The following ST6GALNAC3 variants were observed in gnomAD, a reference collection of about 807,000 sequenced individuals.
The protein encoded by ST6GALNAC3 is ST6 N-acetylgalactosaminide alpha-2,6-sialyltransferase 3.
A neutral mutation model predicts 32.7 loss-of-function variants in ST6GALNAC3; 25 were observed. That is an observed-to-expected ratio of 0.76 (90% confidence interval 0.56 to 1.07). The LOEUF (loss-of-function observed/expected upper bound fraction) is 1.07, where lower values mean the gene tolerates loss of function less well. ST6GALNAC3 is among the 50% of genes least tolerant of loss of function. The probability of loss-of-function intolerance (pLI) is 0.00; values close to 1 mark genes in which losing one functional copy is unlikely to be tolerated. For synonymous variants in ST6GALNAC3, 129 were observed against 133.1 expected (o/e 0.97, Z 0.21); for missense variants, 355 against 382.4 (o/e 0.93, Z 0.60).
chr1:76,245,505 C>A (rs1657207286), intron 1 of ST6GALNAC3, among the ~76,000 whole-genome samples: 1 of 152,022 alleles, frequency 6.6e-6, no homozygotes. Context: ...TTCTCTAGTT[C>A]TTTTAATTTT....
chr1:76,189,302 A>G (rs902846932), intron 1 of ST6GALNAC3, among the ~76,000 whole-genome samples: 1 of 152,202 alleles, frequency 6.6e-6, no homozygotes. Context: ...CCCTTTGCCT[A>G]TGGTTACCAC....
intron 1 of ST6GALNAC3, among the ~76,000 whole-genome samples, chr1:76,257,230 T>C (rs1657972125): frequency 6.6e-6 from 1 of 152,192 alleles, no homozygotes; most frequent in South Asian, 2.1e-4. Flanking sequence ...GATGGTTTTA[T>C]TATCACCAAT....
intron 2 of ST6GALNAC3, among the ~76,000 whole-genome samples, chr1:76,400,072 G>A (rs1268552434): frequency 6.6e-6 from 1 of 152,052 alleles, no homozygotes; most frequent in African/African-American, 2.4e-5. Flanking sequence ...AGCGGGGATA[G>A]TGGAAATTAT....
chr1:76,091,478 C>T (rs981119807), intron 1 of ST6GALNAC3, among the ~76,000 whole-genome samples: 1 of 152,212 alleles, frequency 6.6e-6, no homozygotes, highest in African/African-American at 2.4e-5. Flanking sequence ...GAATGTGGCT[C>T]CATATTTTTG....
chr1:76,533,524 C>G lies in ST6GALNAC3; in HGVS notation c.624-93928C>G, dbSNP rs1663398592. ...CAGTCCATGTTCCCTATTACTTCCA[C>G]TCTGAGGCTTCTGCCTGTCTTCTGA... is the stretch of plus-strand genomic sequence containing the variant. On this transcript the variant is annotated intron_variant, in intron 3 of 4. Transcript: ENST00000328299. Among the ~76,000 whole-genome samples the G allele has an allele frequency of 2.0e-5, 3 of 152,290 alleles. No homozygotes were observed. The South Asian group carries it at 6.2e-4, about 32-fold the overall frequency.
intron 3 of ST6GALNAC3, among the ~76,000 whole-genome samples, chr1:76,596,555 A>G (rs766797832): frequency 4.6e-5 from 7 of 152,206 alleles, no homozygotes; most frequent in Non-Finnish European, 8.8e-5. Context: ...ATTTTCTTGT[A>G]TTCTGATCTT....
At chr1:76,507,016 C>A (rs1180975428) in intron 3 of ST6GALNAC3, among the ~76,000 whole-genome samples, 1 of 152,140 alleles carries the variant, frequency 6.6e-6, no homozygotes, top group Admixed American at 6.5e-5. Context: ...CAAGCAGGAT[C>A]AAACACATGC....
chr1:76,432,736 C>T (rs553176860), intron 3 of ST6GALNAC3, among the ~76,000 whole-genome samples: 7 of 152,128 alleles, frequency 4.6e-5, no homozygotes, highest in African/African-American at 1.2e-4. Context: ...GGATTACAGG[C>T]GTAAGCCACC....
At chr1:76,580,477 CA>C (rs1646876223) in intron 3 of ST6GALNAC3, among the ~76,000 whole-genome samples, 1 of 152,118 alleles carries the variant, frequency 6.6e-6, no homozygotes. Context: ...TTGAGAAACA[CA>C]AAAGTGCCAG....
chr1:76,244,893 C>G lies in ST6GALNAC3; in HGVS notation c.19-68912C>G, dbSNP rs558971551. On this transcript the variant is annotated intron_variant, in intron 1 of 4. Coordinates refer to ENST00000328299, the MANE Select transcript of ST6GALNAC3 (RefSeq NM_152996.4). The stretch of plus-strand genomic sequence containing the variant: ...CATCGATGTTATTCAGGCATATTGG[C>G]CTGAAATTTTCTTTTTTTGTTGTGT... 2.7e-4 allele frequency among the ~76,000 whole-genome samples: 41 copies of G among 152,130 alleles called. 1 individual carries two copies. Among genetic ancestry groups the G allele is most frequent in the African/African-American group, 9.6e-4 (40 of 41,536 alleles).
chr1:76,150,087 G>A (rs1217408764), intron 1 of ST6GALNAC3, among the ~76,000 whole-genome samples: 5 of 152,122 alleles, frequency 3.3e-5, no homozygotes, highest in African/African-American at 9.7e-5. Flanking sequence ...TCTGGGCTGC[G>A]TTTCCTTCTC....
At chr1:76,487,790 G>A (rs1356381487) in intron 3 of ST6GALNAC3, among the ~76,000 whole-genome samples, 1 of 152,138 alleles carries the variant, frequency 6.6e-6, no homozygotes, top group Non-Finnish European at 1.5e-5. Flanking sequence ...TACTTTGGAG[G>A]GGGAGAGGCA....
At chr1:76,635,546 G>A (rs658035), downstream of ST6GALNAC3, among the ~76,000 whole-genome samples, 53,926 of 152,006 alleles carry the variant, frequency 0.35, 11,017 homozygotes, top group African/African-American at 0.58. Flanking sequence ...AATGAGATTG[G>A]AACCAAGGCA....
intron 1 of ST6GALNAC3, among the ~76,000 whole-genome samples, chr1:76,246,749 C>T (rs1056920027): frequency 2.0e-5 from 3 of 152,148 alleles, no homozygotes; most frequent in Admixed American, 1.3e-4. Context: ...TGGGTTCGAA[C>T]ATGCTCTTTT....
chr1:76,513,168 G>T, intron 3 of ST6GALNAC3, among the ~76,000 whole-genome samples: 1 of 151,824 alleles, frequency 6.6e-6, no homozygotes, highest in Non-Finnish European at 1.5e-5. Context: ...TTGCTTTTGT[G>T]TCCTATGCTT....
intron 3 of ST6GALNAC3, among the ~76,000 whole-genome samples, chr1:76,585,724 C>A (rs1249765567): frequency 6.6e-6 from 1 of 152,168 alleles, no homozygotes; most frequent in East Asian, 1.9e-4. Context: ...CTATCATAAC[C>A]AACCCATTCC....
chr1:76,401,156 T>G (rs1653383373), intron 2 of ST6GALNAC3, among the ~76,000 whole-genome samples: 1 of 152,164 alleles, frequency 6.6e-6, no homozygotes, highest in Admixed American at 6.5e-5. Flanking sequence ...CCCTCTGAGA[T>G]TTCAAATAAA....
At chr1:76,289,697 AGAG>A (rs1659968716) in intron 1 of ST6GALNAC3, among the ~76,000 whole-genome samples, 2 of 152,250 alleles carry the variant, frequency 1.3e-5, no homozygotes, top group Admixed American at 1.3e-4. Context: ...GAATCCCAAA[AGAG>A]GTTTACATGT....
At chr1:76,122,470 A>G (rs1648944530) in intron 1 of ST6GALNAC3, among the ~76,000 whole-genome samples, 1 of 152,172 alleles carries the variant, frequency 6.6e-6, no homozygotes, top group African/African-American at 2.4e-5. Flanking sequence ...CAAGCCAATG[A>G]AGAGCCGTCC....
Sources: gnomAD v4.1 joint callset for allele counts (sites outside exome capture counted in the v4.1 genomes callset) on GRCh38, gnomAD v4.1.1 for gene constraint, MANE v1.5 for transcripts, NCBI Gene and HGNC (gene_info 2026-07-23, HGNC 2026-07-21) for gene names.